The following SGCD variants were observed in gnomAD, a reference collection of about 807,000 sequenced individuals.
SGCD encodes sarcoglycan delta.
SGCD carries 18 observed loss-of-function variants against 36.6 expected under a neutral mutation model. The observed-to-expected ratio is 0.49, with a 90% CI of 0.34 to 0.73. The LOEUF (loss-of-function observed/expected upper bound fraction) is 0.73, where lower values mean the gene tolerates loss of function less well. Ranked by LOEUF, SGCD falls within the 30% of genes least tolerant of loss-of-function variation. The probability of loss-of-function intolerance (pLI) is 0.01; values close to 1 mark genes in which losing one functional copy is unlikely to be tolerated. For missense variants in SGCD, 387 were observed against 346.7 expected (o/e 1.12, Z -0.92); for synonymous variants, 133 against 130.6 (o/e 1.02, Z -0.12).
intron 4 of SGCD, among the ~76,000 whole-genome samples, chr5:156,511,105 C>T (rs1180221736): frequency 3.9e-5 from 6 of 152,178 alleles, no homozygotes; most frequent in Non-Finnish European, 7.4e-5. Flanking sequence ...TTTCAAATCA[C>T]TGTTTAAAGA....
At chr5:156,170,033 G>T (rs1581143920) in intron 3 of SGCD, among the ~76,000 whole-genome samples, 1 of 152,164 alleles carries the variant, frequency 6.6e-6, no homozygotes, top group South Asian at 2.1e-4. Context: ...ATATTGGCTA[G>T]TAAACTCCTG....
At chr5:156,703,239 CA>C (rs1754598752) in intron 7 of SGCD, among the ~76,000 whole-genome samples, 1 of 151,966 alleles carries the variant, frequency 6.6e-6, no homozygotes, top group South Asian at 2.1e-4. Flanking sequence ...AGATTCTTCA[CA>C]GTTATTGCTA....
In SGCD at chr5:156,057,781, T is replaced by C. The variant is rs373480255; in HGVS notation, c.-281-60097T>C. ...TGGGCACTAACAAATATAATGGCCA[T>C]AATGATTGGAAAACATCAGATATGT... On this transcript the variant is annotated intron_variant, in intron 1 of 9. Coordinates refer to the SGCD transcript ENST00000517913. Among the ~76,000 whole-genome samples, 280 of 146,298 alleles carry C rather than the reference T, an allele frequency of 1.9e-3. 8 individuals are homozygous for C. The highest frequency in any genetic ancestry group is 6.4e-3 in the African/African-American group (259 of 40,772).
intron 3 of SGCD, among the ~76,000 whole-genome samples, chr5:156,306,526 A>T (rs1025429473): frequency 6.6e-6 from 1 of 152,206 alleles, no homozygotes; most frequent in African/African-American, 2.4e-5. Flanking sequence ...CTAATATAGT[A>T]GTGCTGTTTT....
At chr5:156,737,361 C>CTAACTGTAAGGTGGGGATAATA (rs1756428965) in intron 7 of SGCD, among the ~76,000 whole-genome samples, 1 of 152,196 alleles carries the variant, frequency 6.6e-6, no homozygotes, top group African/African-American at 2.4e-5. Flanking sequence ...CTTCCCCCAA[C>CTAACTGTAAGGTGGGGATAATA]TAACTGTAAG....
chr5:155,835,043 T>C, the SGCD span, among the ~76,000 whole-genome samples: 3 of 130,412 alleles, frequency 2.3e-5, no homozygotes, highest in Non-Finnish European at 3.4e-5. Context: ...AGTCTTTCTC[T>C]GTCACCCAGG....
intron 7 of SGCD, among the ~76,000 whole-genome samples, chr5:156,690,912 A>G (rs1754080765): frequency 6.6e-6 from 1 of 152,286 alleles, no homozygotes; most frequent in East Asian, 1.9e-4. Context: ...TTGAAAGTCA[A>G]AATGAGATCC....
intron 1 of SGCD, among the ~76,000 whole-genome samples, chr5:156,058,849 T>G (rs1000576703): frequency 4.8e-5 from 7 of 145,748 alleles, no homozygotes; most frequent in African/African-American, 1.7e-4. Flanking sequence ...TGTAGGAATA[T>G]AGATGAAACA....
the SGCD span, among the ~76,000 whole-genome samples, chr5:155,745,438 C>A: frequency 1.3e-5 from 2 of 152,180 alleles, no homozygotes; most frequent in Admixed American, 6.5e-5. Context: ...TGTCTTCTGT[C>A]TTCCTCTCTC....
At chr5:156,412,329 AG>A (rs1772805096) in intron 3 of SGCD, among the ~76,000 whole-genome samples, 1 of 152,248 alleles carries the variant, frequency 6.6e-6, no homozygotes, top group Non-Finnish European at 1.5e-5. Context: ...GGTATATAAA[AG>A]TTCTTTAAAA....
chr5:156,279,818 C>T (rs1766405068), intron 3 of SGCD, among the ~76,000 whole-genome samples: 1 of 152,216 alleles, frequency 6.6e-6, no homozygotes, highest in Admixed American at 6.6e-5. Context: ...GGAAGCTACA[C>T]AGAGGTGAGT....
chr5:156,697,523 T>G (rs1432214188), intron 7 of SGCD, among the ~76,000 whole-genome samples: 1 of 152,190 alleles, frequency 6.6e-6, no homozygotes, highest in African/African-American at 2.4e-5. Context: ...GGGAAACAGT[T>G]TAAACATGAG....
At chr5:156,478,818 T>C (rs1460810995) in intron 3 of SGCD, among the ~76,000 whole-genome samples, 1 of 152,142 alleles carries the variant, frequency 6.6e-6, no homozygotes, top group Non-Finnish European at 1.5e-5. Context: ...CAACCTCAGA[T>C]GATCCACTCA....
chr5:156,677,125 G>C (rs1399738379), intron 7 of SGCD, among the ~76,000 whole-genome samples: 1 of 152,154 alleles, frequency 6.6e-6, no homozygotes, highest in Non-Finnish European at 1.5e-5. Context: ...GAGCTTCAGG[G>C]GCATGCAGGA....
At chr5:156,278,283 G>T (rs1253811535) in intron 3 of SGCD, among the ~76,000 whole-genome samples, 1 of 152,136 alleles carries the variant, frequency 6.6e-6, no homozygotes, top group Non-Finnish European at 1.5e-5. Context: ...ATGTTCTAAA[G>T]GAGTGGAATG....
chr5:155,854,327 G>C, the SGCD span, among the ~76,000 whole-genome samples: 1 of 152,144 alleles, frequency 6.6e-6, no homozygotes, highest in East Asian at 1.9e-4. Flanking sequence ...ATTACTGGGG[G>C]TTGAGAACCA....
intron 1 of SGCD, among the ~76,000 whole-genome samples, chr5:155,995,017 T>C (rs1758511490): frequency 6.6e-6 from 1 of 152,158 alleles, no homozygotes; most frequent in African/African-American, 2.4e-5. Flanking sequence ...ACCTTTATCC[T>C]CTAAACCACA....
intron 3 of SGCD, among the ~76,000 whole-genome samples, chr5:156,264,116 T>C (rs1403926297): frequency 1.3e-5 from 2 of 152,094 alleles, no homozygotes; most frequent in Non-Finnish European, 2.9e-5. Context: ...AATATACGTA[T>C]ATGTTAGAGA....
At chr5:156,162,123 G>A (rs1763100353) in intron 3 of SGCD, among the ~76,000 whole-genome samples, 1 of 150,966 alleles carries the variant, frequency 6.6e-6, no homozygotes, top group African/African-American at 2.5e-5. Context: ...GGGGGTGGGG[G>A]TGGAGTGGAT....
Sources: gnomAD v4.1 joint callset for allele counts (sites outside exome capture counted in the v4.1 genomes callset) on GRCh38, gnomAD v4.1.1 for gene constraint, MANE v1.5 for transcripts, NCBI Gene and HGNC (gene_info 2026-07-23, HGNC 2026-07-21) for gene names.